Variants in DNAH12 observed in about 807,000 individuals in gnomAD.
DNAH12 encodes axonemal beta dynein heavy chain 12.
In DNAH12, 285 loss-of-function variants were observed where a neutral mutation model predicts 371.5. The observed-to-expected ratio is 0.77, with a 90% CI of 0.70 to 0.85. DNAH12 has a LOEUF of 0.85. Ranked by LOEUF, DNAH12 falls within the 40% of genes least tolerant of loss-of-function variation. DNAH12 has a pLI of 0.00. For missense variants in DNAH12, 3,611 were observed against 3,689.4 expected (o/e 0.98, Z 0.55); for synonymous variants, 1,200 against 1,213.0 (o/e 0.99, Z 0.22).
chr3:57,359,778 TTTTG>T (rs1473070104), intron 58 of DNAH12, among the ~76,000 whole-genome samples: 138 of 151,992 alleles, frequency 9.1e-4, no homozygotes, highest in African/African-American at 3.2e-3. Context: ...ACTTGTAAAG[TTTTG>T]TTTGTTTGTT....
chr3:57,335,615 A>G (rs138069750), intron 60 of DNAH12, among the ~76,000 whole-genome samples: 117 of 152,358 alleles, frequency 7.7e-4, no homozygotes, highest in Non-Finnish European at 1.4e-3. Context: ...AGCAGCTGTA[A>G]CATAATGGCA....
At chr3:57,354,551 A>AAAAG (rs1553662047) in intron 59 of DNAH12, among the ~76,000 whole-genome samples, 3 of 139,512 alleles carry the variant, frequency 2.2e-5, no homozygotes, top group African/African-American at 5.2e-5. Flanking sequence ...AAAAAAAAAG[A>AAAAG]AAAAAAAAAA....
At chr3:57,538,553 A>G (rs1170636494) in intron 2 of DNAH12, among the ~76,000 whole-genome samples, 2 of 152,178 alleles carry the variant, frequency 1.3e-5, no homozygotes, top group African/African-American at 4.8e-5. Context: ...AGAAAATAAA[A>G]GTACATTGTG....
intron 20 of DNAH12, 145 bp downstream of exon 20, chr3:57,459,447 T>C (rs2065991816): frequency 1.3e-6 from 1 of 758,028 alleles, no homozygotes; most frequent in Non-Finnish European, 1.9e-6. Context: ...TTAATACTTT[T>C]ATGCTTTCTT....
At chr3:57,419,589 T>C (rs1439593768) in intron 36 of DNAH12, 71 bp from the exon 37 acceptor site, 33 of 1,136,840 alleles carry the variant, frequency 2.9e-5, no homozygotes, top group Non-Finnish European at 3.4e-5. Context: ...CTTTTCAACA[T>C]GTATACTATT....
chr3:57,414,892 A>AT (rs2064316819), intron 38 of DNAH12, among the ~76,000 whole-genome samples: 1 of 152,224 alleles, frequency 6.6e-6, no homozygotes, highest in African/African-American at 2.4e-5. Flanking sequence ...GAAATGTATG[A>AT]TAAAAACGGC....
chr3:57,470,346 C>A lies in DNAH12; in HGVS notation c.2105+97G>T, dbSNP rs528584123. The A allele has an allele frequency of 3.4e-5, 42 of 1,227,512 alleles. No individual in the cohort carries two copies. The African/African-American group carries it at 6.0e-4, about 18-fold the overall frequency. 76.0% of individuals were successfully genotyped at this position (1,227,512 alleles called of 1,614,324 possible). On this transcript the variant is annotated intron_variant, in intron 16 of 73. Transcript: ENST00000495027. ...TTCTCTTTCAAATGGACATATAAAT[C>A]CTACTTTTAAACACTTAACCAAAAA...
chr3:57,500,484 T>C (rs2067502355), intron 11 of DNAH12, among the ~76,000 whole-genome samples: 1 of 152,250 alleles, frequency 6.6e-6, no homozygotes, highest in Non-Finnish European at 1.5e-5. Context: ...CATCATATTC[T>C]AAATCTTCCA....
chr3:57,358,392 C>G (rs903984812), intron 58 of DNAH12, among the ~76,000 whole-genome samples: 3 of 151,836 alleles, frequency 2.0e-5, no homozygotes, highest in Non-Finnish European at 2.9e-5. Flanking sequence ...GACCACACAG[C>G]CCCGGAGGTA....
chr3:57,525,424 AC>A (rs2153398690), intron 2 of DNAH12, among the ~76,000 whole-genome samples: 1 of 152,270 alleles, frequency 6.6e-6, no homozygotes, highest in East Asian at 1.9e-4. Flanking sequence ...ATCAAGCTGT[AC>A]CCATGGTACT....
chr3:57,295,442 A>C (rs2061213604), intron 73 of DNAH12, 83 bp downstream of exon 73: 2 of 1,211,854 alleles, frequency 1.7e-6, no homozygotes, highest in Non-Finnish European at 1.1e-6. Flanking sequence ...GGTTTGAGCA[A>C]AAACTTATTT....
intron 19 of DNAH12, 106 bp from the exon 20 acceptor site, chr3:57,459,892 AACATCTC>A: frequency 5.1e-6 from 5 of 976,594 alleles, no homozygotes; most frequent in Non-Finnish European, 6.7e-6. Context: ...AATAAGTGCA[AACATCTC>A]ACAGCTTAAG....
At chr3:57,437,091 AAC>A in intron 29 of DNAH12, 31 bp from the exon 30 acceptor site, 1 of 1,371,932 alleles carries the variant, frequency 7.3e-7, no homozygotes, top group Non-Finnish European at 9.9e-7. Context: ...GCATTTCTAC[AAC>A]ACAATATTAT....
In DNAH12 at chr3:57,405,721, C is replaced by T. The variant is rs1177814210; in HGVS notation, c.6508G>A (p.Val2170Ile). 1.0e-5 allele frequency: 16 copies of T among 1,551,520 alleles called. No individual in the cohort carries two copies. The highest frequency in any genetic ancestry group is 1.3e-5 in the Non-Finnish European group (15 of 1,146,992). Residue 2170 changes from valine (V) to isoleucine (I), a missense_variant, in exon 41 of 74, where the codon GTT becomes ATT. Physicochemically the swap from Val to Ile is conservative, Grantham distance 29. Transcript: ENST00000495027. ...RRWLFQLTKT[V>I]IKDHFKESFH... The stretch of plus-strand genomic sequence containing the variant: ...GATTCTTTAAAATGGTCCTTTATAA[C>T]AGTTTTAGTTAACTGGAACAGCCAT...
intron 11 of DNAH12, among the ~76,000 whole-genome samples, chr3:57,492,647 C>T (rs1302593612): frequency 1.3e-5 from 2 of 152,002 alleles, no homozygotes; most frequent in Non-Finnish European, 2.9e-5. Context: ...TATAAACTAT[C>T]CCAAAATTAT....
chr3:57,369,215 C>G (rs1226298267), intron 55 of DNAH12, among the ~76,000 whole-genome samples: 1 of 53,580 alleles, frequency 1.9e-5, no homozygotes, highest in East Asian at 2.7e-4. Flanking sequence ...GATTGAAACT[C>G]CATTAAAAAA....
In DNAH12 at chr3:57,454,838, T is replaced by C; in HGVS notation, c.3393A>G (p.Val1131=). ...TCCAGAACATTTGAGAAATACAAAG[T>C]ACAACTTGGCCAGGCCACTCTCGAA... The part of the protein sequence containing the change: ...DWVREWPGQV[V]LCISQMFWTS... The change falls in exon 23 of 74, where the codon GTA becomes GTG. Residue 1131 remains valine (V), a synonymous_variant. Transcript: ENST00000495027. 1 of 1,551,344 alleles carries C rather than the reference T, an allele frequency of 6.4e-7. No homozygotes were observed. Among genetic ancestry groups the C allele is most frequent in the African/African-American group, 1.4e-5 (1 of 73,170 alleles).
chr3:57,388,119 G>A (rs1028319830), intron 45 of DNAH12, among the ~76,000 whole-genome samples: 4 of 152,014 alleles, frequency 2.6e-5, no homozygotes, highest in Non-Finnish European at 5.9e-5. Context: ...TGGCTTTCCT[G>A]GAATATGCCA....
intron 30 of DNAH12, among the ~76,000 whole-genome samples, chr3:57,435,828 G>C (rs565473081): frequency 6.6e-6 from 1 of 151,826 alleles, no homozygotes; most frequent in African/African-American, 2.4e-5. Context: ...ATAATCCTTG[G>C]GTATTGAATG....
Sources: gnomAD v4.1 joint callset for allele counts (sites outside exome capture counted in the v4.1 genomes callset) on GRCh38, gnomAD v4.1.1 for gene constraint, MANE v1.5 for transcripts, NCBI Gene and HGNC (gene_info 2026-07-23, HGNC 2026-07-21) for gene names.